Variants in SLC25A15 observed in about 807,000 individuals in gnomAD.
The protein encoded by SLC25A15 is mitochondrial ornithine transporter 1.
A neutral mutation model predicts 32.3 loss-of-function variants in SLC25A15; 24 were observed. That is an observed-to-expected ratio of 0.74 (90% CI 0.54 to 1.04). SLC25A15 has a LOEUF of 1.04. Among genes scored for constraint, SLC25A15 ranks in the 50% least tolerant of loss-of-function variants. SLC25A15 has a pLI of 0.00. For missense variants in SLC25A15, 317 were observed against 374.5 expected (o/e 0.85, Z 1.27); for synonymous variants, 132 against 142.1 (o/e 0.93, Z 0.51).
chr13:40,802,474 A>C (rs1437158739), intron 3 of SLC25A15, among the ~76,000 whole-genome samples: 3 of 152,316 alleles, frequency 2.0e-5, no homozygotes, highest in Admixed American at 1.3e-4. Context: ...CTAGACCACC[A>C]GGGACTAGCA....
chr13:40,809,837 CATCAT>C lies in SLC25A15; in HGVS notation c.*176_*180del. ...ACTTTATGGAAGAACCTCTATTTTG[CATCAT>C]ATCATTTCTGTCCATAATTGTACTG... On this transcript the variant is annotated 3_prime_UTR_variant, in exon 7 of 7. Transcript: ENST00000338625. 1 of 665,766 alleles carries C rather than the reference CATCAT, an allele frequency of 1.5e-6. No homozygotes were observed. Among genetic ancestry groups the C allele is most frequent in the South Asian group, 1.7e-5 (1 of 57,286 alleles). 41.2% of individuals were successfully genotyped at this position (665,766 alleles called of 1,614,324 possible).
chr13:40,804,214 C>G (rs555000667), intron 3 of SLC25A15, among the ~76,000 whole-genome samples: 9 of 152,156 alleles, frequency 5.9e-5, no homozygotes, highest in Non-Finnish European at 1.2e-4. Flanking sequence ...CTGGCCTCTT[C>G]TTCTAAGGGA....
chr13:40,798,081 A>G (rs573787530), intron 2 of SLC25A15, among the ~76,000 whole-genome samples: 6 of 152,202 alleles, frequency 3.9e-5, no homozygotes, highest in Admixed American at 3.9e-4. Context: ...GGAGTTAGAG[A>G]CCACCCTGGC....
chr13:40,800,612 C>T (rs1011584640), intron 3 of SLC25A15, among the ~76,000 whole-genome samples: 2 of 152,180 alleles, frequency 1.3e-5, no homozygotes, highest in African/African-American at 2.4e-5. Flanking sequence ...AGACCTGTGT[C>T]TTCTGAGCAA....
At chr13:40,808,716 G>A in intron 6 of SLC25A15, 120 bp downstream of exon 6, 3 of 771,520 alleles carry the variant, frequency 3.9e-6, no homozygotes, top group South Asian at 1.5e-5. Context: ...GGTGGATCAT[G>A]AGGTCAGGAG....
rs1185937987 is a variant in SLC25A15, at chr13:40,808,503, G to A, written c.688G>A (p.Val230Met). The A allele has an allele frequency of 1.2e-5, 19 of 1,613,268 alleles. No individual in the cohort carries two copies. Among genetic ancestry groups the A allele is most frequent in the South Asian group, 3.3e-5 (3 of 91,082 alleles). The stretch of plus-strand genomic sequence containing the variant: ...TTGCCTCTGGCTTGCGGTATACCCA[G>A]TGGATTGTATCAAATCCAGAATTCA... ...GICLWLAVYP[V>M]DCIKSRIQVL... Residue 230 changes from valine to methionine, a missense_variant, in exon 6 of 7, where the codon GTG becomes ATG. By Grantham distance (21) the Val-to-Met change is conservative. Coordinates refer to ENST00000338625, the MANE Select transcript of SLC25A15 (RefSeq NM_014252.4).
Position 40,810,029 on chromosome 13 carries a change from G to T in SLC25A15, c.*362G>T. The T allele has an allele frequency of 3.4e-6, 1 of 295,218 alleles. No homozygotes were observed. Among genetic ancestry groups the T allele is most frequent in the Non-Finnish European group, 6.6e-6 (1 of 152,340 alleles). 18.3% of individuals were successfully genotyped at this position (295,218 alleles called of 1,614,324 possible). ...TTATGTGTTGAGGGAAATACAGTTT[G>T]GTACCTTGTTTATTTCAAATATCAG... On this transcript the variant is annotated 3_prime_UTR_variant, in exon 7 of 7. Transcript: ENST00000338625.
At position 40,800,127 on chromosome 13, in the gene SLC25A15, G is replaced by C. The variant is rs576887697; in HGVS notation, c.314+812G>C. 2.6e-5 allele frequency among the ~76,000 whole-genome samples: 4 copies of C among 152,294 alleles called. No individual in the cohort carries two copies. The South Asian group carries it at 8.3e-4, about 32-fold the overall frequency. On this transcript the variant is annotated intron_variant, in intron 3 of 6. Transcript: ENST00000338625. ...AAGGGCAGTCTTAGTTATTTCAGTA[G>C]GAGTTTGAAACCTGATTGCAGCTGC...
rs1416992063 is a variant in SLC25A15, at chr13:40,810,523, A to G, written c.*856A>G. On this transcript the variant is annotated 3_prime_UTR_variant, in exon 7 of 7. Transcript: ENST00000338625. Reference sequence around the variant, plus strand: ...CTTGAAAACTAAAATATCCTTCTAGATTTGTAAGACAGTATACCTGCATAC... The same window carrying G: ...CTTGAAAACTAAAATATCCTTCTAGGTTTGTAAGACAGTATACCTGCATAC... 6.6e-6 allele frequency among the ~76,000 whole-genome samples: 1 copy of G among 152,132 alleles called. No homozygotes were observed. The highest frequency in any genetic ancestry group is 1.5e-5 in the Non-Finnish European group (1 of 68,018).
chr13:40,791,660 A>G (rs2138038120), intron 1 of SLC25A15, among the ~76,000 whole-genome samples: 1 of 152,144 alleles, frequency 6.6e-6, no homozygotes, highest in Non-Finnish European at 1.5e-5. Context: ...CCTGGCCAGG[A>G]CCCTGATAAA....
chr13:40,807,517 G>T, intron 5 of SLC25A15, 54 bp downstream of exon 5: 1 of 1,586,350 alleles, frequency 6.3e-7, no homozygotes. Flanking sequence ...GCTCCCTGCA[G>T]GTATGGTTTC....
intron 4 of SLC25A15, among the ~76,000 whole-genome samples, chr13:40,806,599 T>C (rs1326403668): frequency 6.6e-6 from 1 of 152,200 alleles, no homozygotes; most frequent in African/African-American, 2.4e-5. Context: ...AGAAGGAAAA[T>C]AGTTTTTAAA....
rs1234848392 is a variant in SLC25A15 at position 40,810,540 on chromosome 13, C to T, written c.*873C>T. Among the ~76,000 whole-genome samples the T allele has an allele frequency of 1.3e-5, 2 of 152,150 alleles. No individual in the cohort carries two copies. The highest frequency in any genetic ancestry group is 4.8e-5 in the African/African-American group (2 of 41,440). On this transcript the variant is annotated 3_prime_UTR_variant, in exon 7 of 7. Transcript: ENST00000338625. ...CCTTCTAGATTTGTAAGACAGTATA[C>T]CTGCATACTGGTGTGGCTTCCACAC...
At chr13:40,791,229 C>A (rs1252974834) in intron 1 of SLC25A15, among the ~76,000 whole-genome samples, 5 of 151,634 alleles carry the variant, frequency 3.3e-5, no homozygotes, top group Non-Finnish European at 7.4e-5. Context: ...AGTTGTGTGG[C>A]CTTGGAGAAG....
chr13:40,800,920 ATG>A (rs1881858837), intron 3 of SLC25A15, among the ~76,000 whole-genome samples: 1 of 152,116 alleles, frequency 6.6e-6, no homozygotes, highest in Non-Finnish European at 1.5e-5. Context: ...CATATAGTGT[ATG>A]TGTTATTTAG....
chr13:40,808,932 C>CAAAAAAAAAAAAAAAAAAAA (rs58015661), intron 6 of SLC25A15, among the ~76,000 whole-genome samples: 1 of 78,854 alleles, frequency 1.3e-5, no homozygotes, highest in Non-Finnish European at 2.5e-5. Flanking sequence ...GACTCTGTCT[C>CAAAAAAAAAAAAAAAAAAAA]AAAAAAAAAA....
At chr13:40,800,034 CT>C (rs1211308454) in intron 3 of SLC25A15, among the ~76,000 whole-genome samples, 1 of 152,206 alleles carries the variant, frequency 6.6e-6, no homozygotes, top group Non-Finnish European at 1.5e-5. Context: ...GGATGTTTAG[CT>C]ATCCCTGCTT....
rs759403492 is a variant in SLC25A15 at position 40,808,592 on chromosome 13, T to C, written c.777T>C (p.Asn259=). 2.5e-6 allele frequency: 4 copies of C among 1,601,820 alleles called. No individual in the cohort carries two copies. Among genetic ancestry groups the C allele is most frequent in the Non-Finnish European group, 2.5e-6 (3 of 1,179,298 alleles). Residue 259 remains asparagine (N), a synonymous_variant, in exon 6 of 7, where the codon AAT becomes AAC. Transcript: ENST00000338625. The stretch of plus-strand genomic sequence containing the variant: ...GAACCTTTATAAATGTTGTGAAAAA[T>C]GAAGGTGAGTAAATACCTGTTTTTC... ...FIRTFINVVK[N]EGITALYSGL...
intron 3 of SLC25A15, among the ~76,000 whole-genome samples, chr13:40,799,582 G>A (rs1443912249): frequency 6.6e-6 from 1 of 152,138 alleles, no homozygotes; most frequent in African/African-American, 2.4e-5. Context: ...AAAAATAACT[G>A]CTTTCCTTTT....
Sources: gnomAD v4.1 joint callset for allele counts (sites outside exome capture counted in the v4.1 genomes callset) on GRCh38, gnomAD v4.1.1 for gene constraint, MANE v1.5 for transcripts, NCBI Gene and HGNC (gene_info 2026-07-23, HGNC 2026-07-21) for gene names.